The following CDH20 variants were observed in gnomAD, a reference collection of about 807,000 sequenced individuals.
CDH20 encodes the protein cadherin 20, also known as cadherin-20.
A neutral mutation model predicts 74.2 loss-of-function variants in CDH20; 29 were observed. That is an observed-to-expected ratio of 0.39 (90% CI 0.29 to 0.53). The LOEUF (loss-of-function observed/expected upper bound fraction) is 0.53, where lower values mean the gene tolerates loss of function less well. Ranked by LOEUF, CDH20 falls within the 20% of genes least tolerant of loss-of-function variation. The pLI, the probability that CDH20 is intolerant of heterozygous loss-of-function variation, is 0.69. For missense variants in CDH20, 988 were observed against 1,048.3 expected (o/e 0.94, Z 0.79); for synonymous variants, 469 against 405.4 (o/e 1.16, Z -1.88).
intron 1 of CDH20, among the ~76,000 whole-genome samples, chr18:61,363,499 G>GA (rs1910765609): frequency 6.6e-6 from 1 of 152,160 alleles, no homozygotes; most frequent in South Asian, 2.1e-4. Context: ...GAGACGTCAA[G>GA]AAAATTAAAA....
intron 6 of CDH20, among the ~76,000 whole-genome samples, chr18:61,527,373 A>AGATAGATAGATAGATAGATAGATAGAT (rs1912457123): frequency 6.5e-5 from 8 of 123,918 alleles, no homozygotes; most frequent in African/African-American, 1.9e-4. Context: ...TCTAATAGAT[A>AGATAGATAGATAGATAGATAGATAGAT]GATAGATAGA....
chr18:61,553,401 A>C (rs1286436686), intron 11 of CDH20, among the ~76,000 whole-genome samples: 1 of 152,222 alleles, frequency 6.6e-6, no homozygotes, highest in Non-Finnish European at 1.5e-5. Flanking sequence ...CTAGGGGGGA[A>C]AAATGCATTT....
At chr18:61,443,320 A>C (rs1442132623) in intron 1 of CDH20, among the ~76,000 whole-genome samples, 1 of 152,200 alleles carries the variant, frequency 6.6e-6, no homozygotes, top group African/African-American at 2.4e-5. Flanking sequence ...ATCACTTCTC[A>C]GTTCCATCTT....
chr18:61,380,816 A>G, intron 1 of CDH20, among the ~76,000 whole-genome samples: 1 of 146,550 alleles, frequency 6.8e-6, no homozygotes, highest in East Asian at 1.9e-4. Flanking sequence ...TCTCAAAACA[A>G]AACAAAAAAA....
intron 1 of CDH20, among the ~76,000 whole-genome samples, chr18:61,446,133 G>A (rs1909195741): frequency 1.3e-5 from 2 of 152,098 alleles, no homozygotes; most frequent in South Asian, 2.1e-4. Context: ...AGAAACATAT[G>A]ACTAAGGCTA....
At chr18:61,409,438 C>A (rs745950181) in intron 1 of CDH20, among the ~76,000 whole-genome samples, 4 of 152,108 alleles carry the variant, frequency 2.6e-5, no homozygotes, top group Non-Finnish European at 5.9e-5. Context: ...CTCAGCAGAC[C>A]CTTCGATGGG....
chr18:61,501,912 C>A (rs528548289), intron 4 of CDH20, among the ~76,000 whole-genome samples: 85 of 152,038 alleles, frequency 5.6e-4, no homozygotes, highest in Non-Finnish European at 9.3e-4. Context: ...GTGTTAAGGT[C>A]AAAAATACAT....
intron 1 of CDH20, among the ~76,000 whole-genome samples, chr18:61,341,713 T>G (rs78771591): frequency 1.3e-5 from 2 of 152,336 alleles, no homozygotes; most frequent in Middle Eastern, 6.8e-3. Context: ...AATGTATGCC[T>G]ATACTTTGCA....
At chr18:61,459,698 G>A (rs1365383251) in intron 1 of CDH20, among the ~76,000 whole-genome samples, 3 of 152,064 alleles carry the variant, frequency 2.0e-5, no homozygotes, top group Admixed American at 6.5e-5. Flanking sequence ...AGGCTGACAC[G>A]ACCCTCAGAG....
chr18:61,514,953 G>A (rs1321724082), intron 6 of CDH20, among the ~76,000 whole-genome samples: 2 of 151,478 alleles, frequency 1.3e-5, no homozygotes, highest in African/African-American at 2.4e-5. Context: ...CTGTCTTTTT[G>A]TTTGTCTGTG....
intron 2 of CDH20, 131 bp downstream of exon 2, chr18:61,490,930 C>A (rs1462869610): frequency 3.2e-6 from 3 of 930,590 alleles, no homozygotes; most frequent in Non-Finnish European, 5.0e-6. Flanking sequence ...TACTTGACAC[C>A]TAGCTAAAAT....
At chr18:61,532,786 C>T (rs573892590) in intron 7 of CDH20, among the ~76,000 whole-genome samples, 10 of 152,254 alleles carry the variant, frequency 6.6e-5, no homozygotes, top group East Asian at 5.8e-4. Context: ...GTCTCTACAA[C>T]GTTAAGATAT....
Position 61,380,259 on chromosome 18 carries a change from T to A in CDH20, c.-153+46432T>A, listed in dbSNP as rs142043160. ...GTGAAATCAGTGTATTTTCAGGAGT[T>A]AATGCAACAAAGAAATAACCATGGC... On this transcript the variant is annotated intron_variant, in intron 1 of 11. Coordinates refer to ENST00000262717, the MANE Select transcript of CDH20 (RefSeq NM_031891.4). 2.2e-3 allele frequency among the ~76,000 whole-genome samples: 341 copies of A among 152,290 alleles called. 4 individuals are homozygous for A. Among genetic ancestry groups the A allele is most frequent in the African/African-American group, 7.9e-3 (329 of 41,560 alleles).
intron 1 of CDH20, among the ~76,000 whole-genome samples, chr18:61,480,701 T>C (rs879342002): frequency 3.9e-5 from 6 of 152,210 alleles, no homozygotes; most frequent in East Asian, 1.9e-4. Context: ...GATCCGAAGA[T>C]TTATTTTCCT....
rs8093184 is a variant in CDH20, at chr18:61,360,100, G to A, written c.-153+26273G>A. The stretch of plus-strand genomic sequence containing the variant: ...TGAATAAGAGTGGGGAGCATGGAGT[G>A]TCTGAGCAAACAGGCAGGAAAAATA... On this transcript the variant is annotated intron_variant, in intron 1 of 11. Coordinates refer to ENST00000262717, the MANE Select transcript of CDH20 (RefSeq NM_031891.4). Among the ~76,000 whole-genome samples, 1,159 of 152,262 alleles carry A rather than the reference G, an allele frequency of 7.6e-3. 21 individuals are homozygous for A. The highest frequency in any genetic ancestry group is 0.027 in the African/African-American group (1,103 of 41,546).
chr18:61,356,225 T>C lies in CDH20; in HGVS notation c.-153+22398T>C, dbSNP rs533713558. ...TAACTGCAATAAACTCTTTTCAGAG[T>C]TGTGATTTATTTCATGGATCTTTGC... On this transcript the variant is annotated intron_variant, in intron 1 of 11. Transcript: ENST00000262717. Among the ~76,000 whole-genome samples the C allele has an allele frequency of 1.5e-4, 23 of 152,324 alleles. No individual in the cohort carries two copies. The South Asian group carries it at 4.8e-3, about 32-fold the overall frequency.
At chr18:61,506,000 C>T (rs1425419180) in intron 5 of CDH20, among the ~76,000 whole-genome samples, 1 of 152,134 alleles carries the variant, frequency 6.6e-6, no homozygotes, top group African/African-American at 2.4e-5. Context: ...TTCTTTTTCA[C>T]AAATATTACT....
intron 1 of CDH20, among the ~76,000 whole-genome samples, chr18:61,338,849 C>A (rs1481465820): frequency 6.6e-6 from 1 of 152,110 alleles, no homozygotes; most frequent in Non-Finnish European, 1.5e-5. Flanking sequence ...AGGTATCTTG[C>A]ATGGGAGCCC....
At chr18:61,438,716 A>T (rs144323594) in intron 1 of CDH20, among the ~76,000 whole-genome samples, 1 of 152,288 alleles carries the variant, frequency 6.6e-6, no homozygotes, top group Non-Finnish European at 1.5e-5. Context: ...AAGAACTTAA[A>T]ACAGAACTAC....
Sources: gnomAD v4.1 joint callset for allele counts (sites outside exome capture counted in the v4.1 genomes callset) on GRCh38, gnomAD v4.1.1 for gene constraint, MANE v1.5 for transcripts, NCBI Gene and HGNC (gene_info 2026-07-23, HGNC 2026-07-21) for gene names.